The following SAMMSON variants were observed in gnomAD, a reference collection of about 807,000 sequenced individuals.
SAMMSON encodes the protein long intergenic non-protein coding RNA 1212.
At chr3:70,081,402 C>T (rs1404844971) in intron 4 of SAMMSON, among the ~76,000 whole-genome samples, 2 of 152,208 alleles carry the variant, frequency 1.3e-5, no homozygotes, top group Non-Finnish European at 1.5e-5. Flanking sequence ...CGTGAGCCAC[C>T]GCGCCCGGCC....
chr3:70,102,884 C>T (rs1050909410), intron 4 of SAMMSON, among the ~76,000 whole-genome samples: 16 of 152,198 alleles, frequency 1.1e-4, no homozygotes, highest in Admixed American at 1.0e-3. Context: ...TCCCCTTTCC[C>T]TCTCTTATGT....
intron 7 of SAMMSON, among the ~76,000 whole-genome samples, chr3:70,321,425 A>AG (rs1459302895): frequency 1.3e-5 from 2 of 152,138 alleles, no homozygotes; most frequent in African/African-American, 4.8e-5. Context: ...GTGAATCAAT[A>AG]TTCACTTATT....
At chr3:70,090,613 T>C (rs2067301440) in intron 4 of SAMMSON, among the ~76,000 whole-genome samples, 1 of 152,204 alleles carries the variant, frequency 6.6e-6, no homozygotes. Context: ...TTAGTACTTT[T>C]GATATTTCCA....
chr3:70,375,243 A>G lies in SAMMSON; in HGVS notation n.914-14331A>G, dbSNP rs997507492. Among the ~76,000 whole-genome samples, 3 of 152,174 alleles carry G rather than the reference A, an allele frequency of 2.0e-5. No homozygotes were observed. In the East Asian group the frequency reaches 5.8e-4, roughly 29 times the overall value. Reference sequence around the variant, plus strand: ...GTGTCTCCCCTAAATTATTGCATTTATGCTTTGTATAATGTTCTTGCATTT... The same window carrying G: ...GTGTCTCCCCTAAATTATTGCATTTGTGCTTTGTATAATGTTCTTGCATTT... On this transcript the variant is annotated intron_variant and non_coding_transcript_variant, in intron 9 of 9. Coordinates refer to ENST00000642114, the Ensembl canonical transcript of SAMMSON.
intron 6 of SAMMSON, among the ~76,000 whole-genome samples, chr3:70,258,811 T>C (rs1226223926): frequency 6.6e-6 from 1 of 152,140 alleles, no homozygotes; most frequent in Non-Finnish European, 1.5e-5. Flanking sequence ...AATATAACCA[T>C]AGAAGGAGGC....
chr3:70,126,413 GTA>G, intron 4 of SAMMSON: 1 of 777,218 alleles, frequency 1.3e-6, no homozygotes, highest in Non-Finnish European at 2.2e-6. Context: ...GGCAAAAGCT[GTA>G]TGTTTCAGCT....
At chr3:70,326,745 T>C (rs1390879699) in intron 7 of SAMMSON, among the ~76,000 whole-genome samples, 1 of 152,218 alleles carries the variant, frequency 6.6e-6, no homozygotes, top group Non-Finnish European at 1.5e-5. Context: ...ACCCCATAAA[T>C]AGATATTCTA....
chr3:70,083,798 C>T (rs1328464229), intron 4 of SAMMSON, among the ~76,000 whole-genome samples: 2 of 152,250 alleles, frequency 1.3e-5, no homozygotes, highest in East Asian at 3.9e-4. Flanking sequence ...TCTGTCATCT[C>T]ATCCTTACTT....
chr3:70,299,931 C>T (rs1702331089), intron 7 of SAMMSON, among the ~76,000 whole-genome samples: 1 of 152,048 alleles, frequency 6.6e-6, no homozygotes, highest in African/African-American at 2.4e-5. Context: ...CCACACACGC[C>T]CTTTCTCCAG....
intron 4 of SAMMSON, among the ~76,000 whole-genome samples, chr3:70,213,952 A>T (rs1576157794): frequency 6.6e-6 from 1 of 152,102 alleles, no homozygotes; most frequent in South Asian, 2.1e-4. Context: ...AGCATAATAA[A>T]AGGTGATTGA....
intron 4 of SAMMSON, among the ~76,000 whole-genome samples, chr3:70,083,015 T>C (rs2067272342): frequency 6.6e-6 from 1 of 152,176 alleles, no homozygotes; most frequent in Non-Finnish European, 1.5e-5. Flanking sequence ...TAATTCTTGA[T>C]TTTTAAAGTG....
At chr3:70,180,964 G>T (rs1333265776) in intron 4 of SAMMSON, among the ~76,000 whole-genome samples, 2 of 152,194 alleles carry the variant, frequency 1.3e-5, no homozygotes, top group Non-Finnish European at 2.9e-5. Flanking sequence ...AGTTAGGAAA[G>T]AACTGCTTAT....
chr3:70,254,726 A>C (rs1701799034), intron 6 of SAMMSON, among the ~76,000 whole-genome samples: 2 of 152,194 alleles, frequency 1.3e-5, no homozygotes, highest in South Asian at 4.1e-4. Flanking sequence ...AAGTTCTGTC[A>C]TGACGCACTC....
intron 4 of SAMMSON, among the ~76,000 whole-genome samples, chr3:70,134,207 C>T (rs2067496340): frequency 6.6e-6 from 1 of 151,244 alleles, no homozygotes; most frequent in Non-Finnish European, 1.5e-5. Flanking sequence ...TTGCAGTGAG[C>T]CGAGATTGTG....
intron 2 of SAMMSON, among the ~76,000 whole-genome samples, chr3:70,415,545 A>G (rs539718564): frequency 2.0e-5 from 3 of 152,260 alleles, no homozygotes; most frequent in African/African-American, 4.8e-5. Flanking sequence ...GTTTTTAATC[A>G]GAGCTGGAGG....
chr3:70,090,109 G>C (rs2067299962), intron 4 of SAMMSON, among the ~76,000 whole-genome samples: 2 of 152,090 alleles, frequency 1.3e-5, no homozygotes, highest in African/African-American at 2.4e-5. Flanking sequence ...AAAGGTAAAG[G>C]GAGGTTAGCT....
At chr3:70,182,138 G>A (rs1301904141) in intron 4 of SAMMSON, among the ~76,000 whole-genome samples, 1 of 152,102 alleles carries the variant, frequency 6.6e-6, no homozygotes, top group Non-Finnish European at 1.5e-5. Flanking sequence ...GGAAGCAGGT[G>A]TCTAATGGTG....
chr3:70,353,998 C>T (rs1033597885), intron 7 of SAMMSON, among the ~76,000 whole-genome samples: 1 of 151,986 alleles, frequency 6.6e-6, no homozygotes, highest in Non-Finnish European at 1.5e-5. Context: ...CTGAAAATGA[C>T]AAAATTATAG....
At chr3:70,327,474 C>A (rs1419914890) in intron 7 of SAMMSON, among the ~76,000 whole-genome samples, 2 of 152,070 alleles carry the variant, frequency 1.3e-5, no homozygotes, top group African/African-American at 4.8e-5. Context: ...AGACAGAACT[C>A]AGAATTTGGG....
Sources: allele counts gnomAD v4.1 joint callset (sites outside exome capture counted in the v4.1 genomes callset), GRCh38; gene constraint gnomAD v4.1.1; transcripts MANE v1.5; gene names NCBI Gene and HGNC (gene_info 2026-07-23, HGNC 2026-07-21).